Variants in EMSY observed in about 807,000 individuals in gnomAD.
The protein encoded by EMSY is EMSY transcriptional repressor, BRCA2 interacting, also known as BRCA2-interacting transcriptional repressor EMSY.
In EMSY, 26 loss-of-function variants were observed where a neutral mutation model predicts 134.6. That is an observed-to-expected ratio of 0.19 (90% CI 0.14 to 0.27). EMSY has a LOEUF of 0.27. Among genes scored for constraint, EMSY ranks in the 10% least tolerant of loss-of-function variants. The pLI, the probability that EMSY is intolerant of heterozygous loss-of-function variation, is 1.00. For missense variants in EMSY, 1,305 were observed against 1,611.4 expected (o/e 0.81, Z 3.26); for synonymous variants, 579 against 577.8 (o/e 1.00, Z -0.03).
intron 19 of EMSY, among the ~76,000 whole-genome samples, 167 bp from the exon 21 acceptor site, chr11:76,545,630 A>C (rs998839336): frequency 6.6e-6 from 1 of 152,232 alleles, no homozygotes; most frequent in African/African-American, 2.4e-5. Context: ...GTTTTGTAAA[A>C]GTAACCAGAT....
intron 9 of EMSY, among the ~76,000 whole-genome samples, chr11:76,508,374 A>G (rs991688556): frequency 3.3e-5 from 5 of 151,996 alleles, no homozygotes; most frequent in African/African-American, 1.2e-4. Flanking sequence ...GTAGGTCTCA[A>G]TAGTGGGCTT....
intron 8 of EMSY, among the ~76,000 whole-genome samples, chr11:76,490,706 A>G (rs928364512): frequency 6.6e-6 from 1 of 152,202 alleles, no homozygotes; most frequent in Non-Finnish European, 1.5e-5. Flanking sequence ...AGAGGGGAAA[A>G]CATGTCTTTT....
chr11:76,447,098 C>G (rs913760870), intron 2 of EMSY, 90 bp downstream of exon 2: 1 of 1,203,700 alleles, frequency 8.3e-7, no homozygotes, highest in Non-Finnish European at 1.2e-6. Context: ...GATGTCATAT[C>G]TCACGCTACA....
intron 7 of EMSY, among the ~76,000 whole-genome samples, chr11:76,471,623 C>T (rs751876352): frequency 3.3e-5 from 5 of 151,952 alleles, no homozygotes; most frequent in Non-Finnish European, 7.4e-5. Flanking sequence ...CTTGTAGATA[C>T]CCCAACTGTT....
intron 2 of EMSY, among the ~76,000 whole-genome samples, chr11:76,448,650 TATC>T (rs777471902): frequency 1.3e-5 from 2 of 151,914 alleles, no homozygotes; most frequent in Non-Finnish European, 2.9e-5. Flanking sequence ...CGTATGGTAA[TATC>T]ATCTTCATTG....
intron 14 of EMSY, among the ~76,000 whole-genome samples, chr11:76,532,117 G>T (rs994192505): frequency 6.6e-6 from 1 of 152,100 alleles, no homozygotes; most frequent in African/African-American, 2.4e-5. Flanking sequence ...TGTTGTGTTT[G>T]TTTGTGTGTT....
chr11:76,544,308 C>G (rs770905878), exon 19 of EMSY: 4 of 1,614,170 alleles, frequency 2.5e-6, no homozygotes, highest in Non-Finnish European at 3.4e-6. Context: ...GAACTTGGAA[C>G]TGAGGAGGGC....
chr11:76,523,249 C>A (rs780781477), exon 12 of EMSY: 32 of 1,613,520 alleles, frequency 2.0e-5, no homozygotes, highest in Non-Finnish European at 2.5e-5. Flanking sequence ...CCATTCAAGG[C>A]CTCCCGGGCA....
At chr11:76,479,063 G>A (rs2135462709) in intron 8 of EMSY, among the ~76,000 whole-genome samples, 1 of 151,822 alleles carries the variant, frequency 6.6e-6, no homozygotes, top group Admixed American at 6.6e-5. Flanking sequence ...ATTAGTATCT[G>A]GCCACTATTA....
intron 13 of EMSY, among the ~76,000 whole-genome samples, chr11:76,527,535 A>G (rs1236098285): frequency 3.3e-5 from 5 of 152,136 alleles, no homozygotes; most frequent in African/African-American, 4.8e-5. Context: ...CATGGACCCA[A>G]TTGAAATTAA....
chr11:76,523,131 T>A, intron 11 of EMSY, 24 bp from the exon 13 acceptor site: 1 of 1,598,820 alleles, frequency 6.3e-7, no homozygotes, highest in Non-Finnish European at 8.5e-7. Context: ...AACTCAGGCC[T>A]CCTTTTCTTC....
intron 17 of EMSY, among the ~76,000 whole-genome samples, chr11:76,541,481 C>G (rs1951437972): frequency 6.6e-6 from 1 of 152,140 alleles, no homozygotes; most frequent in Admixed American, 6.5e-5. Context: ...TGGTCCTCTT[C>G]TAGGTAGAAA....
At chr11:76,504,596 C>G (rs764920226) in intron 9 of EMSY, among the ~76,000 whole-genome samples, 13 of 152,110 alleles carry the variant, frequency 8.5e-5, no homozygotes, top group Non-Finnish European at 1.5e-4. Context: ...TAAAATGGTA[C>G]TGTTGCTTTG....
At chr11:76,499,275 CTTTTTTTTTTTTTTTT>C (rs777778051) in intron 9 of EMSY, among the ~76,000 whole-genome samples, 3 of 69,976 alleles carry the variant, frequency 4.3e-5, no homozygotes, top group Non-Finnish European at 7.6e-5. Context: ...AATCTTATAA[CTTTTTTTTTTTTTTTT>C]TTTTTTTTTT....
chr11:76,511,949 G>A (rs577287124), intron 9 of EMSY, among the ~76,000 whole-genome samples: 1 of 152,202 alleles, frequency 6.6e-6, no homozygotes, highest in Non-Finnish European at 1.5e-5. Flanking sequence ...CTGAGTCACA[G>A]AGATTATGTA....
chr11:76,537,984 G>A, intron 16 of EMSY, 34 bp downstream of exon 17: 1 of 1,534,922 alleles, frequency 6.5e-7, no homozygotes, highest in Non-Finnish European at 8.9e-7. Flanking sequence ...TATTAAGGTA[G>A]GAGAACTACC....
rs545743226 is a variant in EMSY at position 76,505,444 on chromosome 11, A to C, written c.1364-7942A>C. On this transcript the variant is annotated intron_variant, in intron 9 of 20. Transcript: ENST00000334736. ...TCAAACTCCTGACTTCAAGTGATCC[A>C]CCTACCTTGTTGTAAAACTATAAAA... 2.7e-5 allele frequency among the ~76,000 whole-genome samples: 4 copies of C among 146,458 alleles called. No homozygotes were observed. The Admixed American group carries it at 2.9e-4, about 10-fold the overall frequency.
In EMSY at chr11:76,546,305, T is replaced by C. The variant is rs759023988; in HGVS notation, c.3774+8T>C. Reference sequence around the variant, plus strand: ...GCAGAAATTATCATCCAGGTAAGAATTGGAAGGAAAATGAGAAATCTTGTG... The same window carrying C: ...GCAGAAATTATCATCCAGGTAAGAACTGGAAGGAAAATGAGAAATCTTGTG... On this transcript the variant is annotated splice_region_variant and intron_variant, in intron 20 of 20. Coordinates refer to ENST00000334736, the Ensembl canonical transcript of EMSY. 65 of 1,598,140 alleles carry C rather than the reference T, an allele frequency of 4.1e-5. 1 individual carries two copies. Among genetic ancestry groups the C allele is most frequent in the Admixed American group, 2.1e-4 (12 of 57,598 alleles).
At chr11:76,486,853 T>C (rs551012726) in intron 8 of EMSY, among the ~76,000 whole-genome samples, 24 of 152,342 alleles carry the variant, frequency 1.6e-4, no homozygotes, top group African/African-American at 5.5e-4. Flanking sequence ...AAAAAAGTCC[T>C]ATACATGACA....
Sources: gnomAD v4.1 joint callset for allele counts (sites outside exome capture counted in the v4.1 genomes callset) on GRCh38, gnomAD v4.1.1 for gene constraint, MANE v1.5 for transcripts, NCBI Gene and HGNC (gene_info 2026-07-23, HGNC 2026-07-21) for gene names.